ADAMTS19: variants seen among roughly 807,000 people sequenced by gnomAD.
The protein encoded by ADAMTS19 is A disintegrin and metalloproteinase with thrombospondin motifs 19.
Under a neutral mutation model 153.3 loss-of-function variants are expected in ADAMTS19, and 93 were observed. That is an observed-to-expected ratio of 0.61 (90% CI 0.51 to 0.72). The LOEUF (loss-of-function observed/expected upper bound fraction) is 0.72. Among genes scored for constraint, ADAMTS19 ranks in the 30% least tolerant of loss-of-function variants. ADAMTS19 has a pLI of 0.00. For missense variants in ADAMTS19, 1,482 were observed against 1,552.1 expected (o/e 0.95, Z 0.76); for synonymous variants, 600 against 556.6 (o/e 1.08, Z -1.10).
At chr5:129,470,606 C>A (rs991779835) in intron 2 of ADAMTS19, among the ~76,000 whole-genome samples, 10 of 152,166 alleles carry the variant, frequency 6.6e-5, no homozygotes, top group African/African-American at 2.2e-4. Context: ...TCCAGTGCTA[C>A]ACAGATATTT....
At chr5:129,537,240 C>A (rs1302022867) in intron 6 of ADAMTS19, among the ~76,000 whole-genome samples, 1 of 152,018 alleles carries the variant, frequency 6.6e-6, no homozygotes, top group Admixed American at 6.6e-5. Flanking sequence ...CATCTCACAC[C>A]AGTTAGAATG....
intron 2 of ADAMTS19, among the ~76,000 whole-genome samples, chr5:129,462,194 C>T (rs1372530076): frequency 6.6e-6 from 1 of 152,126 alleles, no homozygotes; most frequent in African/African-American, 2.4e-5. Flanking sequence ...TATCTTAGAG[C>T]TTTTTCATAA....
rs1344665969 is a variant in ADAMTS19, at chr5:129,658,343, A to AAGAGAGAGAGAGAGAGAGAG, written c.2305-271_2305-270insGAGAGAGAGAGAGAGAGAGA. On this transcript the variant is annotated intron_variant, in intron 14 of 22. Transcript: ENST00000274487. ...AAAGAAAGAAAGAAAGAAAGAAAGA[A>AAGAGAGAGAGAGAGAGAGAG]AGAAAGAAAGAAAGAAAGAAAGAAA... Among the ~76,000 whole-genome samples the AAGAGAGAGAGAGAGAGAGAG allele has an allele frequency of 4.1e-4, 46 of 112,266 alleles. 2 individuals carry two copies. The highest frequency in any genetic ancestry group is 1.8e-3 in the African/African-American group (45 of 24,666). The allele number at this position is 112,266 out of a possible 152,430, so 73.7% of individuals were successfully genotyped here. A position where few individuals can be genotyped will look rare whatever the true frequency, so the allele number is the denominator to read the frequency against.
Position 129,461,892 on chromosome 5 carries a change from G to A in ADAMTS19, c.747+135G>A. On this transcript the variant is annotated intron_variant, in intron 2 of 22. Coordinates refer to ENST00000274487, the MANE Select transcript of ADAMTS19 (RefSeq NM_133638.6). This position sits in a 1 kb window ranked among gnomAD's most constrained non-coding sequence, Gnocchi z 4.6. ...AGCTTGGCCCTAGACTGCACCCCCA[G>A]GTGTCTACATCGTTTGCCTCCCATG... 1 of 1,275,844 alleles carries A rather than the reference G, an allele frequency of 7.8e-7. No homozygotes were observed. Among genetic ancestry groups the A allele is most frequent in the Non-Finnish European group, 1.0e-6 (1 of 989,098 alleles). 79.0% of individuals were successfully genotyped at this position (1,275,844 alleles called of 1,614,324 possible).
chr5:129,675,182 T>G (rs988194387), intron 16 of ADAMTS19, among the ~76,000 whole-genome samples: 2 of 152,196 alleles, frequency 1.3e-5, no homozygotes, highest in Admixed American at 1.3e-4. Flanking sequence ...AGATTGTTAT[T>G]CCCTATTATT....
intron 6 of ADAMTS19, among the ~76,000 whole-genome samples, chr5:129,535,687 C>G (rs982510705): frequency 6.6e-6 from 1 of 152,176 alleles, no homozygotes; most frequent in African/African-American, 2.4e-5. Flanking sequence ...GTAACCAAAA[C>G]AGTATGGTAC....
At chr5:129,583,582 C>T (rs954186442) in intron 7 of ADAMTS19, among the ~76,000 whole-genome samples, 5 of 151,884 alleles carry the variant, frequency 3.3e-5, no homozygotes, top group Non-Finnish European at 5.9e-5. Flanking sequence ...CACATAGTGC[C>T]GTATTTCTTG....
At chr5:129,566,514 T>C (rs757448917) in intron 7 of ADAMTS19, among the ~76,000 whole-genome samples, 2 of 152,160 alleles carry the variant, frequency 1.3e-5, no homozygotes, top group Non-Finnish European at 2.9e-5. Flanking sequence ...AGATATGAAT[T>C]TGAAGTGCCA....
intron 7 of ADAMTS19, among the ~76,000 whole-genome samples, chr5:129,573,442 T>G (rs1000756476): frequency 2.0e-5 from 3 of 152,104 alleles, no homozygotes; most frequent in Non-Finnish European, 4.4e-5. Context: ...AACTTGCATT[T>G]TATTCATTCT....
chr5:129,708,962 T>A (rs30303), intron 21 of ADAMTS19, among the ~76,000 whole-genome samples: 18,167 of 152,088 alleles, frequency 0.12, 1,287 homozygotes, highest in South Asian at 0.19. Context: ...GATTTAGTTA[T>A]ACAGCCCAGC....
At position 129,662,887 on chromosome 5, in the gene ADAMTS19, C is replaced by CT. The variant is rs545012539; in HGVS notation, c.2426-2612_2426-2611insT. 4.1e-3 allele frequency among the ~76,000 whole-genome samples: 513 copies of CT among 125,344 alleles called. 1 individual carries two copies. Among genetic ancestry groups the CT allele is most frequent in the Middle Eastern group, 7.7e-3 (2 of 260 alleles). The allele number at this position is 125,344 out of a possible 152,430, so 82.2% of individuals were successfully genotyped here. On this transcript the variant is annotated intron_variant, in intron 15 of 22. Transcript: ENST00000274487. ...TCTCCTCCTTCTCATGATTCTTCTT[C>CT]ATTTTTTTTTTTTTTTTTTTTTTTT...
chr5:129,515,108 G>A (rs1751556102), intron 3 of ADAMTS19, among the ~76,000 whole-genome samples: 2 of 151,940 alleles, frequency 1.3e-5, no homozygotes, highest in Non-Finnish European at 1.5e-5. Flanking sequence ...TAGGTATGTG[G>A]ATTTGTTTCT....
chr5:129,701,606 C>G lies in ADAMTS19; in HGVS notation c.3159+14C>G, dbSNP rs756775278. On this transcript the variant is annotated intron_variant, in intron 20 of 22. Transcript: ENST00000274487. ...GTGTGGTCTGAGGTGCATACATGCCCCCTTTCTTTCCCCATTCCTACTCTG... is the reference window on the plus strand; with the variant it reads ...GTGTGGTCTGAGGTGCATACATGCCGCCTTTCTTTCCCCATTCCTACTCTG... The G allele has an allele frequency of 1.2e-6, 2 of 1,612,108 alleles. No homozygotes were observed. The highest frequency in any genetic ancestry group is 1.7e-6 in the Non-Finnish European group (2 of 1,178,800).
intron 14 of ADAMTS19, among the ~76,000 whole-genome samples, chr5:129,658,092 G>A (rs1753621998): frequency 6.6e-6 from 1 of 151,834 alleles, no homozygotes; most frequent in Admixed American, 6.6e-5. Context: ...CGAGACCAGC[G>A]TGAGCAACAT....
At chr5:129,648,707 T>C in intron 12 of ADAMTS19, 91 bp from the exon 13 acceptor site, 1 of 995,564 alleles carries the variant, frequency 1.0e-6, no homozygotes, top group South Asian at 1.7e-5. Flanking sequence ...ATATAAGGGG[T>C]TATATATTAT....
At chr5:129,479,801 T>C (rs1750348912) in intron 2 of ADAMTS19, among the ~76,000 whole-genome samples, 1 of 152,086 alleles carries the variant, frequency 6.6e-6, no homozygotes, top group African/African-American at 2.4e-5. Flanking sequence ...TATAAAATAT[T>C]GACAGAGATT....
chr5:129,664,275 G>A (rs893863124), intron 15 of ADAMTS19, among the ~76,000 whole-genome samples: 4 of 152,110 alleles, frequency 2.6e-5, no homozygotes, highest in African/African-American at 7.2e-5. Flanking sequence ...AGTTATGCCT[G>A]TCTTTCCAGT....
chr5:129,548,529 G>A (rs1371969238), intron 6 of ADAMTS19, among the ~76,000 whole-genome samples: 2 of 151,834 alleles, frequency 1.3e-5, no homozygotes, highest in Non-Finnish European at 2.9e-5. Context: ...GGAAACAACA[G>A]GTGCTGGAGA....
intron 9 of ADAMTS19, among the ~76,000 whole-genome samples, chr5:129,621,642 G>A (rs1751780426): frequency 6.6e-6 from 1 of 152,102 alleles, no homozygotes. Flanking sequence ...AGGCCCTAAT[G>A]AGTTCCTAAG....
Sources: allele counts gnomAD v4.1 joint callset (sites outside exome capture counted in the v4.1 genomes callset), GRCh38; gene constraint gnomAD v4.1.1; non-coding constraint Gnocchi (gnomAD v3.1); transcripts MANE v1.5; gene names NCBI Gene and HGNC (gene_info 2026-07-23, HGNC 2026-07-21).